The following THEMIS variants were observed in gnomAD, a reference collection of about 807,000 sequenced individuals.
THEMIS encodes thymocyte selection associated, also known as protein THEMIS.
A neutral mutation model predicts 52.6 loss-of-function variants in THEMIS; 37 were observed. The observed-to-expected ratio is 0.70, with a 90% CI of 0.54 to 0.93. THEMIS has a LOEUF of 0.93. Ranked by LOEUF, THEMIS falls within the 40% of genes least tolerant of loss-of-function variation. The pLI is 0.00. For synonymous variants in THEMIS, 292 were observed against 272.7 expected (o/e 1.07, Z -0.70); for missense variants, 808 against 763.1 (o/e 1.06, Z -0.69).
chr6:127,736,316 C>G (rs1344831368), intron 4 of THEMIS, among the ~76,000 whole-genome samples: 2 of 152,098 alleles, frequency 1.3e-5, no homozygotes, highest in African/African-American at 4.8e-5. Context: ...AGTTGTCTCT[C>G]TCACACACAC....
intron 2 of THEMIS, among the ~76,000 whole-genome samples, chr6:127,833,890 AT>A (rs1178507339): frequency 4.6e-5 from 7 of 152,218 alleles, no homozygotes; most frequent in Non-Finnish European, 8.8e-5. Context: ...AGAAATATAT[AT>A]GACAAATATA....
At chr6:127,900,147 A>G (rs912078552) in intron 1 of THEMIS, among the ~76,000 whole-genome samples, 2 of 151,764 alleles carry the variant, frequency 1.3e-5, no homozygotes, top group Non-Finnish European at 2.9e-5. Flanking sequence ...TATGTATTCA[A>G]ACTAACCATG....
At chr6:127,737,965 T>C (rs1191021747) in intron 4 of THEMIS, among the ~76,000 whole-genome samples, 1 of 152,104 alleles carries the variant, frequency 6.6e-6, no homozygotes, top group Non-Finnish European at 1.5e-5. Flanking sequence ...GAAAGAGACT[T>C]CAAGGAAGGG....
chr6:127,763,300 C>T (rs1021046439), intron 4 of THEMIS, among the ~76,000 whole-genome samples: 7 of 152,006 alleles, frequency 4.6e-5, no homozygotes, highest in Non-Finnish European at 1.0e-4. Flanking sequence ...GTATAACTTA[C>T]AGAATGCTTT....
chr6:127,781,840 A>G (rs607322), intron 4 of THEMIS, among the ~76,000 whole-genome samples: 71,908 of 152,002 alleles, frequency 0.47, 17,962 homozygotes, highest in Non-Finnish European at 0.53. Context: ...GACCCCTCCC[A>G]GGAGGTGTCT....
chr6:127,772,096 G>C (rs759541611), intron 4 of THEMIS, among the ~76,000 whole-genome samples: 5 of 151,750 alleles, frequency 3.3e-5, no homozygotes, highest in Admixed American at 6.6e-5. Context: ...GGGTTTTTCT[G>C]ATTTATTTAA....
chr6:127,779,640 A>G (rs1485146537), intron 4 of THEMIS, among the ~76,000 whole-genome samples: 1 of 152,208 alleles, frequency 6.6e-6, no homozygotes, highest in East Asian at 1.9e-4. Context: ...AGGAAGTGCT[A>G]TAATACGGGT....
At chr6:127,829,352 C>G (rs1349656139) in intron 3 of THEMIS, 124 bp downstream of exon 3, 5 of 738,194 alleles carry the variant, frequency 6.8e-6, no homozygotes, top group Non-Finnish European at 1.1e-5. Context: ...GATGAGGAAT[C>G]TAACTCTCAC....
intron 2 of THEMIS, among the ~76,000 whole-genome samples, chr6:127,833,015 C>A (rs1778751665): frequency 6.6e-6 from 1 of 151,704 alleles, no homozygotes; most frequent in South Asian, 2.1e-4. Context: ...AACTCCTGAC[C>A]TCAGGTGATC....
At position 127,781,593 on chromosome 6, in the gene THEMIS, T is replaced by C. The variant is rs991610766; in HGVS notation, c.1758+31290A>G. Among the ~76,000 whole-genome samples, 7 of 152,180 alleles carry C rather than the reference T, an allele frequency of 4.6e-5. No individual in the cohort carries two copies. In the East Asian group the frequency reaches 1.4e-3, roughly 29 times the overall value. ...GGTTTCTGTGTCTGGACATCCTTTT[T>C]CTTGATGCTGATGCTATTCCTTTCT... is the stretch of plus-strand genomic sequence containing the variant. On this transcript the variant is annotated intron_variant, in intron 4 of 5. Coordinates refer to ENST00000368248, the MANE Select transcript of THEMIS (RefSeq NM_001010923.3).
chr6:127,732,166 T>C (rs1774835769), intron 4 of THEMIS, among the ~76,000 whole-genome samples: 1 of 151,990 alleles, frequency 6.6e-6, no homozygotes, highest in Admixed American at 6.6e-5. Flanking sequence ...TTGTTAATCA[T>C]TATGGTTTCA....
chr6:127,835,414 C>T (rs967058277), intron 2 of THEMIS, among the ~76,000 whole-genome samples: 5 of 152,044 alleles, frequency 3.3e-5, no homozygotes, highest in African/African-American at 1.2e-4. Flanking sequence ...AGTCTCAGGG[C>T]TACAATTTCA....
intron 1 of THEMIS, among the ~76,000 whole-genome samples, chr6:127,906,241 T>C (rs1339052486): frequency 2.0e-5 from 3 of 151,490 alleles, no homozygotes; most frequent in Non-Finnish European, 3.0e-5. Context: ...ATTACATCAA[T>C]TAGATTTAAA....
At chr6:127,894,911 AAATAT>A (rs1391712006) in intron 1 of THEMIS, among the ~76,000 whole-genome samples, 1 of 150,836 alleles carries the variant, frequency 6.6e-6, no homozygotes, top group African/African-American at 2.4e-5. Context: ...TAAAAATCCT[AAATAT>A]AATATCAAAT....
chr6:127,873,013 G>A (rs533770150), intron 1 of THEMIS, among the ~76,000 whole-genome samples: 1 of 152,134 alleles, frequency 6.6e-6, no homozygotes, highest in South Asian at 2.1e-4. Context: ...ATGAACCTGT[G>A]GATAATGAAA....
At chr6:127,865,523 T>C (rs568743477) in intron 1 of THEMIS, among the ~76,000 whole-genome samples, 1 of 152,240 alleles carries the variant, frequency 6.6e-6, no homozygotes, top group Non-Finnish European at 1.5e-5. Flanking sequence ...ATCCTCTCAG[T>C]AGAGAGCTAG....
intron 4 of THEMIS, among the ~76,000 whole-genome samples, chr6:127,798,579 G>A (rs1330363538): frequency 6.6e-6 from 1 of 152,046 alleles, no homozygotes; most frequent in Non-Finnish European, 1.5e-5. Flanking sequence ...CATGTCTTGG[G>A]AATATTAATA....
chr6:127,894,483 G>A (rs185554532), intron 1 of THEMIS, among the ~76,000 whole-genome samples: 62 of 151,748 alleles, frequency 4.1e-4, no homozygotes, highest in Admixed American at 3.4e-3. Flanking sequence ...ATGCTACATG[G>A]CAAAAGTTAT....
chr6:127,877,025 T>A (rs540912336), intron 1 of THEMIS, among the ~76,000 whole-genome samples: 9 of 152,334 alleles, frequency 5.9e-5, no homozygotes, highest in Non-Finnish European at 1.2e-4. Context: ...TACTGTAGTC[T>A]ATTAAGTATC....
Sources: gnomAD v4.1 joint callset for allele counts (sites outside exome capture counted in the v4.1 genomes callset) on GRCh38, gnomAD v4.1.1 for gene constraint, MANE v1.5 for transcripts, NCBI Gene and HGNC (gene_info 2026-07-23, HGNC 2026-07-21) for gene names.